The following ZEB2 variants were observed in gnomAD, a reference collection of about 807,000 sequenced individuals.
The protein encoded by ZEB2 is zinc finger E-box binding homeobox 2.
Under a neutral mutation model 99.9 loss-of-function variants are expected in ZEB2, and 6 were observed. That is an observed-to-expected ratio of 0.06 (90% confidence interval 0.03 to 0.12). The LOEUF (loss-of-function observed/expected upper bound fraction) is 0.12, where lower values mean the gene tolerates loss of function less well. Ranked by LOEUF, ZEB2 falls within the 10% of genes least tolerant of loss-of-function variation. The pLI is 1.00. For synonymous variants in ZEB2, 517 were observed against 542.5 expected, an observed-to-expected ratio of 0.95 and a Z score of 0.65; for missense variants, 969 against 1,502.8, an observed-to-expected ratio of 0.64 and a Z score of 5.87.
intron 4 of ZEB2, among the ~76,000 whole-genome samples, chr2:144,415,422 G>A (rs372665748): frequency 5.3e-5 from 8 of 152,058 alleles, no homozygotes; most frequent in South Asian, 2.1e-4. Context: ...CTTTATTCCC[G>A]GTTCATTTTG....
At chr2:144,466,484 A>G (rs534489773) in intron 2 of ZEB2, among the ~76,000 whole-genome samples, 2 of 152,316 alleles carry the variant, frequency 1.3e-5, no homozygotes, top group South Asian at 4.1e-4. Flanking sequence ...CCAAAATGCA[A>G]CTATATAGAG....
chr2:144,511,586 TAA>T (rs1705039904), intron 2 of ZEB2: 1 of 1,279,820 alleles, frequency 7.8e-7, no homozygotes, highest in African/African-American at 1.5e-5. Flanking sequence ...TCTTACTTTT[TAA>T]AAGTTTACCC....
At chr2:144,425,325 T>C (rs534876524) in intron 3 of ZEB2, among the ~76,000 whole-genome samples, 16 of 152,326 alleles carry the variant, frequency 1.1e-4, no homozygotes, top group Admixed American at 9.8e-4. Flanking sequence ...ATGGTGCTAA[T>C]CTATGCAAGC....
chr2:144,416,844 A>G (rs1476725455), intron 4 of ZEB2, among the ~76,000 whole-genome samples: 2 of 152,164 alleles, frequency 1.3e-5, no homozygotes, highest in African/African-American at 4.8e-5. Flanking sequence ...TCCTATCTCC[A>G]ATATTTGACC....
At chr2:144,396,964 A>G (rs1240565386) in intron 8 of ZEB2, among the ~76,000 whole-genome samples, 1 of 152,160 alleles carries the variant, frequency 6.6e-6, no homozygotes, top group African/African-American at 2.4e-5. Flanking sequence ...TAACTTTAGA[A>G]ATGATCTGTA....
chr2:144,508,077 T>G (rs866192108), intron 2 of ZEB2, among the ~76,000 whole-genome samples: 1 of 152,218 alleles, frequency 6.6e-6, no homozygotes, highest in Non-Finnish European at 1.5e-5. Context: ...GAATACTGCA[T>G]GCTTGGTCGT....
chr2:144,458,894 A>T (rs1363774400), intron 2 of ZEB2, among the ~76,000 whole-genome samples: 1 of 152,178 alleles, frequency 6.6e-6, no homozygotes, highest in Non-Finnish European at 1.5e-5. Context: ...ACCAAGAATA[A>T]AGAATTGATA....
chr2:144,423,208 A>G (rs1703643719), intron 4 of ZEB2, among the ~76,000 whole-genome samples: 1 of 152,156 alleles, frequency 6.6e-6, no homozygotes, highest in Admixed American at 6.5e-5. Flanking sequence ...CAGCTAGTAA[A>G]TTGTTACTTT....
intron 2 of ZEB2, among the ~76,000 whole-genome samples, chr2:144,435,988 T>C (rs775765597): frequency 1.3e-5 from 2 of 151,914 alleles, no homozygotes; most frequent in African/African-American, 4.8e-5. Flanking sequence ...GTAAAGATCA[T>C]AGGACTAAAT....
intron 2 of ZEB2, chr2:144,512,272 A>G (rs1437979131): frequency 1.6e-6 from 2 of 1,287,260 alleles, no homozygotes; most frequent in Admixed American, 4.6e-5. Flanking sequence ...TTCCTTTCAC[A>G]CAGAAGAAAA....
At chr2:144,457,397 A>G (rs1051014541) in intron 2 of ZEB2, among the ~76,000 whole-genome samples, 3 of 152,188 alleles carry the variant, frequency 2.0e-5, no homozygotes, top group African/African-American at 7.2e-5. Flanking sequence ...TCTAGATTCT[A>G]TCTGTGCTCT....
Position 144,396,470 on chromosome 2 carries a change from T to C in ZEB2, c.3009A>G (p.Leu1003=). 1.9e-6 allele frequency: 3 copies of C among 1,614,158 alleles called. No homozygotes were observed. Among genetic ancestry groups the C allele is most frequent in the Non-Finnish European group, 2.5e-6 (3 of 1,180,006 alleles). Residue 1003 remains leucine, a synonymous_variant, in exon 9 of 10, where the codon TTA becomes TTG. Coordinates refer to ENST00000627532, the MANE Select transcript of ZEB2 (RefSeq NM_014795.4). ...KTESGMYACD[L]CDKTFQKSSS... Reference sequence around the variant, plus strand: ...TGCTTTTCTGGAATGTCTTGTCACATAAGTCACATGCATACATGCCACTCT... The same window carrying C: ...TGCTTTTCTGGAATGTCTTGTCACACAAGTCACATGCATACATGCCACTCT...
At chr2:144,488,676 T>A (rs1203973226) in intron 2 of ZEB2, among the ~76,000 whole-genome samples, 1 of 147,242 alleles carries the variant, frequency 6.8e-6, no homozygotes, top group East Asian at 2.0e-4. Flanking sequence ...TGTGAGTGTG[T>A]GTGTGTGTGT....
intron 8 of ZEB2, 139 bp from the exon 9 acceptor site, chr2:144,396,731 C>A: frequency 1.6e-5 from 13 of 821,582 alleles, no homozygotes; most frequent in East Asian, 5.8e-5. Flanking sequence ...TTTCCATGAA[C>A]AATATATGAG....
chr2:144,448,481 T>A (rs1704014630), intron 2 of ZEB2, among the ~76,000 whole-genome samples: 1 of 152,192 alleles, frequency 6.6e-6, no homozygotes, highest in Non-Finnish European at 1.5e-5. Context: ...CACCTCAAAA[T>A]GCAACATCTC....
chr2:144,402,975 A>C (rs1703333238), intron 6 of ZEB2, among the ~76,000 whole-genome samples: 1 of 152,254 alleles, frequency 6.6e-6, no homozygotes, highest in Non-Finnish European at 1.5e-5. Context: ...AGGAAAACCT[A>C]AGAATTTTGA....
intron 2 of ZEB2, chr2:144,513,907 G>A (rs1326456848): frequency 6.7e-7 from 1 of 1,494,710 alleles, no homozygotes; most frequent in Non-Finnish European, 8.9e-7. Context: ...GGCGACTGAG[G>A]ATCATCTGAC....
At chr2:144,501,654 T>C (rs188482501) in intron 2 of ZEB2, among the ~76,000 whole-genome samples, 130 of 152,332 alleles carry the variant, frequency 8.5e-4, no homozygotes, top group African/African-American at 3.0e-3. Flanking sequence ...TTGGATGAAC[T>C]GCTGTTTGTC....
chr2:144,455,512 G>A (rs867344556), intron 2 of ZEB2, among the ~76,000 whole-genome samples: 1 of 152,064 alleles, frequency 6.6e-6, no homozygotes, highest in Non-Finnish European at 1.5e-5. Context: ...GGAAGCATAC[G>A]GTTTGGAAGC....
Sources: gnomAD v4.1 joint callset for allele counts (sites outside exome capture counted in the v4.1 genomes callset) on GRCh38, gnomAD v4.1.1 for gene constraint, MANE v1.5 for transcripts, NCBI Gene and HGNC (gene_info 2026-07-23, HGNC 2026-07-21) for gene names.